Variants in SLC30A8 observed in about 807,000 individuals in gnomAD.
SLC30A8 encodes the protein solute carrier family 30 member 8.
SLC30A8 carries 27 observed loss-of-function variants against 36.9 expected under a neutral mutation model. The ratio of observed to expected loss-of-function variants is 0.73; its 90% CI spans 0.54 to 1.01. The LOEUF (loss-of-function observed/expected upper bound fraction) is 1.01. Ranked by LOEUF, SLC30A8 falls within the 50% of genes least tolerant of loss-of-function variation. SLC30A8 has a pLI of 0.00. For synonymous variants in SLC30A8, 164 were observed against 172.4 expected (o/e 0.95, Z 0.38); for missense variants, 439 against 452.0 (o/e 0.97, Z 0.26).
intron 2 of SLC30A8, among the ~76,000 whole-genome samples, chr8:117,086,327 A>G (rs990089150): frequency 7.9e-5 from 12 of 152,154 alleles, no homozygotes; most frequent in African/African-American, 2.7e-4. Flanking sequence ...AGAAGAAGGA[A>G]ATTGGAGGAC....
At chr8:116,962,169 A>G (rs1814447141) in intron 1 of SLC30A8, among the ~76,000 whole-genome samples, 1 of 152,044 alleles carries the variant, frequency 6.6e-6, no homozygotes, top group African/African-American at 2.4e-5. Context: ...GTGGCTAGAA[A>G]CTAGATAAGT....
chr8:117,132,375 G>A (rs1310469770), upstream of SLC30A8, among the ~76,000 whole-genome samples: 1 of 152,052 alleles, frequency 6.6e-6, no homozygotes, highest in Non-Finnish European at 1.5e-5. Flanking sequence ...CAGTTCTTCA[G>A]TGATGTTGGT....
At chr8:117,103,507 C>T (rs1819821766) in intron 2 of SLC30A8, among the ~76,000 whole-genome samples, 1 of 152,126 alleles carries the variant, frequency 6.6e-6, no homozygotes, top group Non-Finnish European at 1.5e-5. Flanking sequence ...CAGGGTCTCA[C>T]TCTGTTGCCC....
chr8:117,001,871 T>C (rs1287764684), intron 1 of SLC30A8, among the ~76,000 whole-genome samples: 1 of 152,230 alleles, frequency 6.6e-6, no homozygotes, highest in Non-Finnish European at 1.5e-5. Flanking sequence ...ATATTTTCTT[T>C]AGTTATTTCT....
intron 2 of SLC30A8, among the ~76,000 whole-genome samples, chr8:117,115,520 C>A (rs1333246544): frequency 6.6e-6 from 1 of 152,086 alleles, no homozygotes; most frequent in Admixed American, 6.6e-5. Context: ...TACAATCATT[C>A]TTTCATTGTT....
intron 1 of SLC30A8, among the ~76,000 whole-genome samples, chr8:117,023,064 G>T (rs1234978412): frequency 2.0e-5 from 3 of 152,104 alleles, no homozygotes; most frequent in Admixed American, 6.5e-5. Context: ...GTGGGTGAAG[G>T]ATATGAACAG....
At chr8:116,980,661 C>G (rs1815219071) in intron 1 of SLC30A8, among the ~76,000 whole-genome samples, 1 of 152,104 alleles carries the variant, frequency 6.6e-6, no homozygotes, top group African/African-American at 2.4e-5. Flanking sequence ...GATGAGTCTA[C>G]AACTGGAAAG....
intron 1 of SLC30A8, among the ~76,000 whole-genome samples, chr8:116,959,464 A>G (rs1239096223): frequency 6.6e-6 from 1 of 152,066 alleles, no homozygotes. Flanking sequence ...TATGGATCAT[A>G]TTTTCCTGCT....
At chr8:117,012,939 C>T (rs1249746106) in intron 1 of SLC30A8, among the ~76,000 whole-genome samples, 1 of 151,984 alleles carries the variant, frequency 6.6e-6, no homozygotes, top group South Asian at 2.1e-4. Flanking sequence ...AGAAAAAGAT[C>T]TAATAATTCA....
chr8:116,996,857 AAGAAAAGTGCAAAAGCAAATGAAAACT>A (rs1801925962), intron 1 of SLC30A8, among the ~76,000 whole-genome samples: 1 of 152,210 alleles, frequency 6.6e-6, no homozygotes, highest in African/African-American at 2.4e-5. Context: ...TTGTCATCAG[AAGAAAAGTGCAAAAGCAAATGAAAACT>A]TGGCCCAACT....
intron 1 of SLC30A8, chr8:117,017,930 T>C (rs991352266): frequency 1.3e-5 from 2 of 152,206 alleles, no homozygotes; most frequent in Non-Finnish European, 2.9e-5. Context: ...GTAACCATAT[T>C]TGAAAAGTTA....
intron 2 of SLC30A8, among the ~76,000 whole-genome samples, chr8:117,122,034 G>A (rs1345030011): frequency 6.6e-6 from 1 of 151,914 alleles, no homozygotes; most frequent in Non-Finnish European, 1.5e-5. Flanking sequence ...TCTATGATAT[G>A]CGGAATTTAA....
intron 6 of SLC30A8, among the ~76,000 whole-genome samples, chr8:117,168,587 T>C (rs564080130): frequency 2.6e-5 from 4 of 152,112 alleles, no homozygotes; most frequent in African/African-American, 4.8e-5. Flanking sequence ...CTATTTGTTA[T>C]AATAAAATAA....
intron 2 of SLC30A8, among the ~76,000 whole-genome samples, chr8:117,123,049 A>C (rs1820749565): frequency 6.6e-6 from 1 of 151,938 alleles, no homozygotes; most frequent in South Asian, 2.1e-4. Context: ...TGGACTAGGA[A>C]CATAATTAAT....
intron 2 of SLC30A8, among the ~76,000 whole-genome samples, chr8:117,054,754 A>C (rs1460481645): frequency 1.3e-5 from 2 of 152,066 alleles, no homozygotes; most frequent in Non-Finnish European, 2.9e-5. Flanking sequence ...AAGGAAAATA[A>C]AGTTTTCCCA....
rs1325838695 is a variant in SLC30A8, at chr8:117,173,734, TAA to T, written c.*1056_*1057del. ...TTTGGAACCTGGACTTCTGCATTTT[TAA>T]AAGTTACCCAGAGATGCTTCTAAAG... On this transcript the variant is annotated 3_prime_UTR_variant, in exon 8 of 8. Coordinates refer to ENST00000456015, the MANE Select transcript of SLC30A8 (RefSeq NM_173851.3). 2 of 152,162 alleles carry T rather than the reference TAA, an allele frequency of 1.3e-5. No homozygotes were observed. Among genetic ancestry groups the T allele is most frequent in the Admixed American group, 6.5e-5 (1 of 15,274 alleles). The allele number at this position is 152,162 out of a possible 1,614,324, so 9.4% of individuals were successfully genotyped here.
chr8:117,042,792 C>T (rs182190356), intron 2 of SLC30A8, among the ~76,000 whole-genome samples: 1 of 152,268 alleles, frequency 6.6e-6, no homozygotes, highest in Admixed American at 6.5e-5. Context: ...TCTCCTGCCT[C>T]AGCCTCCCGA....
intron 1 of SLC30A8, among the ~76,000 whole-genome samples, chr8:117,024,016 A>G (rs540177032): frequency 9.8e-5 from 15 of 152,302 alleles, no homozygotes; most frequent in African/African-American, 2.9e-4. Context: ...GCTATTTGGC[A>G]TAAGGTAAAA....
At chr8:117,027,836 G>A (rs944072165) in intron 1 of SLC30A8, among the ~76,000 whole-genome samples, 4 of 152,170 alleles carry the variant, frequency 2.6e-5, no homozygotes, top group African/African-American at 9.6e-5. Context: ...AAAAAGGAGG[G>A]TCTTTGGAGT....
Sources: gnomAD v4.1 joint callset for allele counts (sites outside exome capture counted in the v4.1 genomes callset) on GRCh38, gnomAD v4.1.1 for gene constraint, MANE v1.5 for transcripts, NCBI Gene and HGNC (gene_info 2026-07-23, HGNC 2026-07-21) for gene names.